The following CNOT4 variants were observed in gnomAD, a reference collection of about 807,000 sequenced individuals.
CNOT4 encodes CCR4-associated factor 4.
CNOT4 carries 8 observed loss-of-function variants against 73.8 expected under a neutral mutation model. The observed-to-expected ratio is 0.11, with a 90% CI of 0.06 to 0.20. The LOEUF (loss-of-function observed/expected upper bound fraction) is 0.20, where lower values mean the gene tolerates loss of function less well. Ranked by LOEUF, CNOT4 falls within the 10% of genes least tolerant of loss-of-function variation. The pLI is 1.00. For synonymous variants in CNOT4, 293 were observed against 321.1 expected, an observed-to-expected ratio of 0.91 and a Z score of 0.94; for missense variants, 564 against 883.4, an observed-to-expected ratio of 0.64 and a Z score of 4.58.
At chr7:135,458,499 T>A (rs1800682555) in intron 1 of CNOT4, among the ~76,000 whole-genome samples, 1 of 152,040 alleles carries the variant, frequency 6.6e-6, no homozygotes, top group Admixed American at 6.6e-5. Flanking sequence ...ACGAAAGATT[T>A]CTCTGTAGCA....
At chr7:135,502,827 A>AG (rs1804078429) in intron 1 of CNOT4, among the ~76,000 whole-genome samples, 1 of 151,346 alleles carries the variant, frequency 6.6e-6, no homozygotes, top group South Asian at 2.1e-4. Context: ...AAAAAAAAAA[A>AG]AAAAAAAGAA....
At chr7:135,450,921 C>T (rs1479625338) in intron 1 of CNOT4, among the ~76,000 whole-genome samples, 1 of 152,032 alleles carries the variant, frequency 6.6e-6, no homozygotes, top group East Asian at 1.9e-4. Context: ...CACGCCACTG[C>T]ACTCCAGCCT....
chr7:135,392,697 G>C (rs1050955393), intron 10 of CNOT4, among the ~76,000 whole-genome samples: 2 of 152,066 alleles, frequency 1.3e-5, no homozygotes, highest in Non-Finnish European at 2.9e-5. Context: ...ACTACATTAC[G>C]TGCTACCAGG....
At position 135,413,566 on chromosome 7, in the gene CNOT4, C is replaced by T. The variant is rs1216712770; in HGVS notation, c.609G>A (p.Met203Ile). Residue 203 changes from methionine to isoleucine, a missense_variant, in exon 6 of 12, where the codon ATG becomes ATA. This residue lies in a region of CNOT4 where 14 missense variants were observed against 69.5 expected (regional missense o/e 0.20). Transcript: ENST00000541284. ...TKYCSYFLKN[M>I]QCPKPDCMYL... is the part of the protein sequence containing the mutation. ...ACATGCAGTCAGGTTTTGGACACTG[C>T]ATATTCTTTAAGAAGTAACTGCAGT... is the stretch of plus-strand genomic sequence containing the variant. 12 of 1,611,662 alleles carry T rather than the reference C, an allele frequency of 7.4e-6. No individual in the cohort carries two copies. The highest frequency in any genetic ancestry group is 1.0e-5 in the Non-Finnish European group (12 of 1,178,244).
intron 1 of CNOT4, among the ~76,000 whole-genome samples, chr7:135,455,909 T>C (rs985142703): frequency 2.6e-5 from 4 of 152,192 alleles, no homozygotes; most frequent in African/African-American, 9.6e-5. Context: ...ATAAGCGTGT[T>C]AATATCTGAG....
intron 6 of CNOT4, 49 bp from the exon 7 acceptor site, chr7:135,410,697 G>C: frequency 2.7e-6 from 4 of 1,476,484 alleles, no homozygotes; most frequent in Non-Finnish European, 2.7e-6. Flanking sequence ...AAAATGGCTG[G>C]TATAAAATAC....
Position 135,449,369 on chromosome 7 carries a change from G to A in CNOT4, c.-92-10946C>T, listed in dbSNP as rs994021893. Among the ~76,000 whole-genome samples the A allele has an allele frequency of 6.6e-5, 10 of 152,124 alleles. 1 individual carries two copies. Among genetic ancestry groups the A allele is most frequent in the African/African-American group, 2.4e-4 (10 of 41,428 alleles). The stretch of plus-strand genomic sequence containing the variant: ...AACTGTACCTGTTTTATATGTTTCT[G>A]AATGTATATTTCCTTTTTCAAAGTT... On this transcript the variant is annotated intron_variant, in intron 1 of 11. Transcript: ENST00000541284.
intron 1 of CNOT4, among the ~76,000 whole-genome samples, chr7:135,443,147 T>G (rs947740232): frequency 6.7e-5 from 10 of 150,252 alleles, no homozygotes; most frequent in African/African-American, 2.5e-4. Context: ...GGCCAAAAGT[T>G]CAAGACCTGC....
chr7:135,382,670 A>T lies in CNOT4; in HGVS notation c.1627+11248T>A, dbSNP rs879827943. ...CCAACATCGAATAGAAAATTTTTTT[A>T]AAAAATTGTGTAATTTATTAAGCAT... is the stretch of plus-strand genomic sequence containing the variant. On this transcript the variant is annotated intron_variant, in intron 10 of 11. Coordinates refer to ENST00000541284, the MANE Select transcript of CNOT4 (RefSeq NM_001190850.2). 4.2e-4 allele frequency among the ~76,000 whole-genome samples: 64 copies of T among 152,096 alleles called. No individual in the cohort carries two copies. The Middle Eastern group carries it at 0.01, about 24-fold the overall frequency.
At chr7:135,425,615 G>C (rs1798448792) in intron 2 of CNOT4, among the ~76,000 whole-genome samples, 1 of 152,116 alleles carries the variant, frequency 6.6e-6, no homozygotes, top group Admixed American at 6.6e-5. Flanking sequence ...ATGAGACAGA[G>C]TATTCTACTA....
chr7:135,366,142 A>G (rs568378772), intron 10 of CNOT4, among the ~76,000 whole-genome samples: 5 of 152,342 alleles, frequency 3.3e-5, no homozygotes, highest in African/African-American at 1.2e-4. Flanking sequence ...TAAGAAGTCC[A>G]TGCAAATGAT....
intron 1 of CNOT4, among the ~76,000 whole-genome samples, chr7:135,461,405 C>T (rs191366693): frequency 1.3e-5 from 2 of 152,238 alleles, no homozygotes; most frequent in Non-Finnish European, 2.9e-5. Context: ...CCCTGAAAGG[C>T]TGCTCCTAAC....
At chr7:135,404,911 T>G (rs560038794) in intron 7 of CNOT4, among the ~76,000 whole-genome samples, 1 of 152,336 alleles carries the variant, frequency 6.6e-6, no homozygotes, top group Admixed American at 6.5e-5. Flanking sequence ...TGTCTTCAGA[T>G]AACAAGCCTC....
At chr7:135,501,706 T>G (rs1291609621) in intron 1 of CNOT4, among the ~76,000 whole-genome samples, 1 of 152,192 alleles carries the variant, frequency 6.6e-6, no homozygotes, top group Non-Finnish European at 1.5e-5. Context: ...CCAATACACC[T>G]TTCATAATCT....
intron 2 of CNOT4, 77 bp from the exon 3 acceptor site, chr7:135,422,430 G>A (rs993040077): frequency 2.7e-6 from 2 of 736,588 alleles, no homozygotes; most frequent in Non-Finnish European, 4.8e-6. Flanking sequence ...CTGATTCTTG[G>A]TGGTGGGTAT....
chr7:135,394,989 A>G (rs1342081721), intron 9 of CNOT4, among the ~76,000 whole-genome samples: 1 of 152,214 alleles, frequency 6.6e-6, no homozygotes, highest in Non-Finnish European at 1.5e-5. Context: ...AATACCATTT[A>G]GTAGTAACAT....
chr7:135,443,691 T>C (rs1799629385), intron 1 of CNOT4, among the ~76,000 whole-genome samples: 1 of 152,232 alleles, frequency 6.6e-6, no homozygotes, highest in Non-Finnish European at 1.5e-5. Context: ...CTGTGACATG[T>C]GTAATAATGC....
At chr7:135,425,867 A>ACTG (rs1299455096) in intron 2 of CNOT4, among the ~76,000 whole-genome samples, 1 of 152,132 alleles carries the variant, frequency 6.6e-6, no homozygotes, top group Admixed American at 6.5e-5. Context: ...ATATATACCT[A>ACTG]CTGCACAAAC....
chr7:135,461,989 G>A (rs756800038), intron 1 of CNOT4, among the ~76,000 whole-genome samples: 2 of 151,530 alleles, frequency 1.3e-5, no homozygotes, highest in East Asian at 1.9e-4. Context: ...TAAGAACTGC[G>A]ACAGTCCAGA....
Sources: gnomAD v4.1 joint callset for allele counts (sites outside exome capture counted in the v4.1 genomes callset) on GRCh38, gnomAD v4.1.1 for gene constraint, gnomAD v4.1.1 regional missense constraint, MANE v1.5 for transcripts, NCBI Gene and HGNC (gene_info 2026-07-23, HGNC 2026-07-21) for gene names.